STOX1: variants seen among roughly 807,000 people sequenced by gnomAD.
The protein encoded by STOX1 is storkhead-box protein 1.
Under a neutral mutation model 74.8 loss-of-function variants are expected in STOX1, and 57 were observed. The ratio of observed to expected loss-of-function variants is 0.76; its 90% CI spans 0.62 to 0.95. The LOEUF (loss-of-function observed/expected upper bound fraction) is 0.95, where lower values mean the gene tolerates loss of function less well. Among genes scored for constraint, STOX1 ranks in the 40% least tolerant of loss-of-function variants. The pLI is 0.00. For missense variants in STOX1, 1,010 were observed against 1,117.0 expected (o/e 0.90, Z 1.37); for synonymous variants, 375 against 401.3 (o/e 0.93, Z 0.78).
Position 68,893,038 on chromosome 10 carries a change from C to A in STOX1, c.*302C>A. 3.7e-6 allele frequency: 1 copy of A among 272,488 alleles called. No individual in the cohort carries two copies. Among genetic ancestry groups the A allele is most frequent in the Non-Finnish European group, 7.0e-6 (1 of 143,068 alleles). 16.9% of individuals were successfully genotyped at this position (272,488 alleles called of 1,614,324 possible). On this transcript the variant is annotated 3_prime_UTR_variant, in exon 4 of 4. Coordinates refer to ENST00000298596, the MANE Select transcript of STOX1 (RefSeq NM_152709.5). ...CTTGAATTTTTATACATTAGTTTCT[C>A]AAATATATAGAATGCCAATTTACTT...
intron 1 of STOX1, among the ~76,000 whole-genome samples, chr10:68,867,393 A>C (rs1269475008): frequency 6.6e-6 from 1 of 152,184 alleles, no homozygotes; most frequent in East Asian, 1.9e-4. Flanking sequence ...CTAACAGGGA[A>C]CTGCCAAGCC....
In STOX1 at chr10:68,827,540, C is replaced by T. The variant is rs554420972; in HGVS notation, c.-84C>T. On this transcript the variant is annotated 5_prime_UTR_variant, in exon 1 of 4. Coordinates refer to ENST00000298596, the MANE Select transcript of STOX1 (RefSeq NM_152709.5). Reference sequence around the variant, plus strand: ...CGCCGCGGACCCGCGCGCAGTCGGCCGATCCTCCCGCCGAGCGAGCGGCGT... The same window carrying T: ...CGCCGCGGACCCGCGCGCAGTCGGCTGATCCTCCCGCCGAGCGAGCGGCGT... 522 of 931,986 alleles carry T rather than the reference C, an allele frequency of 5.6e-4. 7 individuals are homozygous for T. In the South Asian group the frequency reaches 0.023, roughly 41 times the overall value. The allele number at this position is 931,986 out of a possible 1,614,324, so 57.7% of individuals were successfully genotyped here.
chr10:68,828,951 C>T (rs558641868), intron 1 of STOX1: 1 of 985,202 alleles, frequency 1.0e-6, no homozygotes, highest in South Asian at 4.7e-5. Flanking sequence ...ACTAAACCAC[C>T]GCACCCGTGA....
intron 1 of STOX1, among the ~76,000 whole-genome samples, chr10:68,836,029 G>A (rs192976225): frequency 9.9e-4 from 151 of 152,202 alleles, no homozygotes; most frequent in Non-Finnish European, 1.8e-3. Context: ...GTGCCACCAC[G>A]CCAGGCTAAT....
chr10:68,834,229 A>AGGAGTGT (rs1384978183), intron 1 of STOX1, among the ~76,000 whole-genome samples: 4 of 152,204 alleles, frequency 2.6e-5, no homozygotes, highest in African/African-American at 9.7e-5. Context: ...CAAGTACTCT[A>AGGAGTGT]GGAGTGTAGA....
chr10:68,837,089 G>T (rs1308799253), intron 1 of STOX1, among the ~76,000 whole-genome samples: 2 of 152,174 alleles, frequency 1.3e-5, no homozygotes, highest in African/African-American at 2.4e-5. Flanking sequence ...CATACAGAGG[G>T]GCAAAAGGCT....
intron 1 of STOX1, among the ~76,000 whole-genome samples, chr10:68,873,950 TTTTG>T (rs917170501): frequency 2.6e-5 from 4 of 151,044 alleles, no homozygotes; most frequent in Middle Eastern, 3.4e-3. Context: ...CACCCAGCGT[TTTTG>T]TTTGTTTTTT....
Position 68,846,391 on chromosome 10 carries a change from C to G in STOX1, c.310+18458C>G, listed in dbSNP as rs567051902. On this transcript the variant is annotated intron_variant, in intron 1 of 3. Coordinates refer to ENST00000298596, the MANE Select transcript of STOX1 (RefSeq NM_152709.5). ...TCTTGAACTCCTGACCTCAGTTGAT[C>G]CACCTGCCCCGGCCCCCCAAAGTCC... Among the ~76,000 whole-genome samples the G allele has an allele frequency of 2.4e-4, 37 of 152,166 alleles. No individual in the cohort carries two copies. In the East Asian group the frequency reaches 7.1e-3, roughly 29 times the overall value.
intron 1 of STOX1, among the ~76,000 whole-genome samples, chr10:68,839,108 A>G (rs1311373745): frequency 6.6e-6 from 1 of 152,228 alleles, no homozygotes; most frequent in South Asian, 2.1e-4. Flanking sequence ...CATGCTACCC[A>G]AAGTGAGCTA....
rs36040611 is a variant in STOX1, at chr10:68,838,909, CA to C, written c.310+10991del. 4.5e-3 allele frequency among the ~76,000 whole-genome samples: 514 copies of C among 115,330 alleles called. 1 individual carries two copies. Among genetic ancestry groups the C allele is most frequent in the African/African-American group, 8.0e-3 (259 of 32,484 alleles). The allele number at this position is 115,330 out of a possible 152,430, so 75.7% of individuals were successfully genotyped here. ...TGGGCAACAGAGCGAGACTCTGTCT[CA>C]AAAAAAAAAAAAAAGAAGTGGCAAG... On this transcript the variant is annotated intron_variant, in intron 1 of 3. Coordinates refer to ENST00000298596, the MANE Select transcript of STOX1 (RefSeq NM_152709.5).
chr10:68,858,833 G>A (rs1840191413), intron 1 of STOX1, among the ~76,000 whole-genome samples: 2 of 152,210 alleles, frequency 1.3e-5, no homozygotes, highest in South Asian at 4.1e-4. Flanking sequence ...GAGAGAAGCA[G>A]GCAAGGCTGC....
At chr10:68,873,560 C>T (rs1263713437) in intron 1 of STOX1, among the ~76,000 whole-genome samples, 10 of 102,182 alleles carry the variant, frequency 9.8e-5, no homozygotes, top group African/African-American at 1.6e-4. Flanking sequence ...CGCGCCTGGC[C>T]TTTTTTTTTT....
intron 1 of STOX1, among the ~76,000 whole-genome samples, chr10:68,836,098 C>G (rs1479471295): frequency 1.3e-5 from 2 of 152,024 alleles, no homozygotes; most frequent in African/African-American, 4.8e-5. Context: ...TCTCAGTCTC[C>G]TGACCTTGTG....
chr10:68,870,439 C>T (rs142502087), intron 1 of STOX1, among the ~76,000 whole-genome samples: 203 of 152,270 alleles, frequency 1.3e-3, no homozygotes, highest in African/African-American at 4.7e-3. Flanking sequence ...ATTCCTTGCC[C>T]CCAACGCTTG....
chr10:68,874,503 A>T (rs1016614453), intron 1 of STOX1, among the ~76,000 whole-genome samples: 1 of 152,102 alleles, frequency 6.6e-6, no homozygotes, highest in Non-Finnish European at 1.5e-5. Context: ...GCCAAAACCA[A>T]TGTATAACCT....
chr10:68,884,234 A>C (rs955766336), intron 2 of STOX1, 26 bp from the exon 3 acceptor site: 1 of 1,610,136 alleles, frequency 6.2e-7, no homozygotes, highest in African/African-American at 1.3e-5. Context: ...TTCAAAATCT[A>C]TCTGTAAAAT....
intron 1 of STOX1, among the ~76,000 whole-genome samples, chr10:68,873,847 C>T (rs1357658325): frequency 6.7e-6 from 1 of 150,258 alleles, no homozygotes; most frequent in Non-Finnish European, 1.5e-5. Context: ...GACTGGGTTT[C>T]ACCATGTTGG....
intron 1 of STOX1, among the ~76,000 whole-genome samples, chr10:68,849,823 T>G (rs918521572): frequency 2.0e-5 from 3 of 152,160 alleles, no homozygotes; most frequent in African/African-American, 7.2e-5. Context: ...GTTTTTGTGT[T>G]TATTGATTTT....
chr10:68,853,786 A>G (rs1840051238), intron 1 of STOX1, among the ~76,000 whole-genome samples: 1 of 151,266 alleles, frequency 6.6e-6, no homozygotes, highest in African/African-American at 2.4e-5. Context: ...CCTGGGTTCA[A>G]GTGATTCTCC....
Sources: allele counts gnomAD v4.1 joint callset (sites outside exome capture counted in the v4.1 genomes callset), GRCh38; gene constraint gnomAD v4.1.1; transcripts MANE v1.5; gene names NCBI Gene and HGNC (gene_info 2026-07-23, HGNC 2026-07-21).